Variants in LARGE1 observed in about 807,000 individuals in gnomAD.
The protein encoded by LARGE1 is xylosyl- and glucuronyltransferase LARGE1.
Under a neutral mutation model 87.6 loss-of-function variants are expected in LARGE1, and 43 were observed. That is an observed-to-expected ratio of 0.49 (90% CI 0.38 to 0.63). LARGE1 has a LOEUF of 0.63. Among genes scored for constraint, LARGE1 ranks in the 30% least tolerant of loss-of-function variants. The pLI is 0.00. For synonymous variants in LARGE1, 434 were observed against 394.6 expected, an observed-to-expected ratio of 1.10 and a Z score of -1.18; for missense variants, 802 against 1,000.2, an observed-to-expected ratio of 0.80 and a Z score of 2.67.
At chr22:33,165,258 C>G (rs1025214353) in exon 12 of LARGE1, 3 of 152,106 alleles carry the variant, frequency 2.0e-5, no homozygotes, top group Non-Finnish European at 4.4e-5. Flanking sequence ...AAGGAAAAAC[C>G]TTGATGATAG....
chr22:33,752,272 G>T (rs888133289), intron 2 of LARGE1, among the ~76,000 whole-genome samples: 1 of 151,952 alleles, frequency 6.6e-6, no homozygotes, highest in Admixed American at 6.6e-5. Context: ...AATACTTTGG[G>T]TAAGTTTTCC....
chr22:33,655,246 T>TG (rs2080927572), intron 2 of LARGE1, among the ~76,000 whole-genome samples: 1 of 152,150 alleles, frequency 6.6e-6, no homozygotes, highest in South Asian at 2.1e-4. Flanking sequence ...TCCCCTGGTG[T>TG]GGGTTGGCTA....
intron 2 of LARGE1, among the ~76,000 whole-genome samples, chr22:33,734,304 G>A (rs886497465): frequency 6.6e-6 from 1 of 152,172 alleles, no homozygotes; most frequent in African/African-American, 2.4e-5. Context: ...CACAATTCTA[G>A]CCATATCATA....
At chr22:33,545,979 T>C (rs1472114693) in intron 6 of LARGE1, among the ~76,000 whole-genome samples, 1 of 152,228 alleles carries the variant, frequency 6.6e-6, no homozygotes, top group Non-Finnish European at 1.5e-5. Flanking sequence ...ACATGAATTA[T>C]TGACATGGCT....
At chr22:33,164,942 G>A (rs1344918825) in exon 12 of LARGE1, 1 of 152,148 alleles carries the variant, frequency 6.6e-6, no homozygotes, top group Non-Finnish European at 1.5e-5. Flanking sequence ...ATTTACAAGT[G>A]GGAGCTAAAC....
At chr22:33,750,582 T>G (rs1425749399) in intron 2 of LARGE1, 7 of 75,822 alleles carry the variant, frequency 9.2e-5, no homozygotes, top group Non-Finnish European at 2.4e-5. Context: ...TAATAAAAGG[T>G]TTTTTTTTTT....
intron 1 of LARGE1, among the ~76,000 whole-genome samples, chr22:33,803,639 A>G (rs1235500510): frequency 2.0e-5 from 3 of 152,242 alleles, no homozygotes. Flanking sequence ...AAGGTCTATG[A>G]GGCAAAGTCT....
At chr22:33,591,847 A>G in intron 5 of LARGE1, among the ~76,000 whole-genome samples, 1 of 147,946 alleles carries the variant, frequency 6.8e-6, no homozygotes, top group South Asian at 2.1e-4. Context: ...CTCTCCAAAA[A>G]AAAAAAAAAA....
At chr22:33,609,759 T>C (rs578047671) in intron 4 of LARGE1, among the ~76,000 whole-genome samples, 89 of 152,182 alleles carry the variant, frequency 5.8e-4, no homozygotes, top group African/African-American at 2.0e-3. Context: ...GCCTGATGGT[T>C]AGTGTTTGGG....
Position 33,416,906 on chromosome 22 carries a change from C to CTTTTTTTTTTTTTTTTTTTTTTTTTT in LARGE1, c.892+15254_892+15255insAAAAAAAAAAAAAAAAAAAAAAAAAA, listed in dbSNP as rs35018256. Among the ~76,000 whole-genome samples, 4 of 90,148 alleles carry CTTTTTTTTTTTTTTTTTTTTTTTTTT rather than the reference C, an allele frequency of 4.4e-5. 1 individual carries two copies. The highest frequency in any genetic ancestry group is 1.7e-4 in the African/African-American group (3 of 17,438). 59.1% of individuals were successfully genotyped at this position (90,148 alleles called of 152,430 possible). A position where few individuals can be genotyped will look rare whatever the true frequency, so the allele number is the denominator to read the frequency against. ...ACAGGTGTGAGGCACCACGCCCGGACTTTTTTTTTTTTTTTTTTTGAGACA... is the reference window on the plus strand; with the variant it reads ...ACAGGTGTGAGGCACCACGCCCGGACTTTTTTTTTTTTTTTTTTTTTTTTTTTTTTTTTTTTTTTTTTTTTGAGACA... On this transcript the variant is annotated intron_variant, in intron 7 of 14. Transcript: ENST00000397394.
intron 6 of LARGE1, among the ~76,000 whole-genome samples, chr22:33,536,058 C>T (rs1227067300): frequency 1.3e-5 from 2 of 152,218 alleles, no homozygotes; most frequent in East Asian, 3.8e-4. Flanking sequence ...CCACTTTGTC[C>T]TCTGGGCCAT....
chr22:33,327,920 G>C (rs1937380633), intron 10 of LARGE1, among the ~76,000 whole-genome samples: 1 of 152,134 alleles, frequency 6.6e-6, no homozygotes, highest in Non-Finnish European at 1.5e-5. Context: ...ACTTGTTATA[G>C]TTCATTTGTT....
chr22:33,898,879 C>T (rs2065214413), intron 1 of LARGE1, among the ~76,000 whole-genome samples: 1 of 152,224 alleles, frequency 6.6e-6, no homozygotes, highest in South Asian at 2.1e-4. Flanking sequence ...CTCCTGCCTC[C>T]TCATTCCCTG....
At chr22:33,833,415 T>C (rs1183648818) in intron 1 of LARGE1, among the ~76,000 whole-genome samples, 1 of 152,078 alleles carries the variant, frequency 6.6e-6, no homozygotes, top group African/African-American at 2.4e-5. Flanking sequence ...CCAGTGTCCT[T>C]ATAAGAAGAG....
intron 12 of LARGE1, among the ~76,000 whole-genome samples, chr22:33,290,272 G>T (rs1187229959): frequency 6.6e-6 from 1 of 152,174 alleles, no homozygotes; most frequent in Non-Finnish European, 1.5e-5. Context: ...TTACGGGAAA[G>T]TGTCTCGGAA....
chr22:33,178,709 A>G (rs1161564053), intron 11 of LARGE1, among the ~76,000 whole-genome samples: 1 of 152,194 alleles, frequency 6.6e-6, no homozygotes, highest in Non-Finnish European at 1.5e-5. Flanking sequence ...AGGATAATAG[A>G]GTTGAATAAT....
At chr22:33,615,197 AT>A (rs915129268) in intron 4 of LARGE1, among the ~76,000 whole-genome samples, 53 of 148,364 alleles carry the variant, frequency 3.6e-4, no homozygotes, top group South Asian at 1.7e-3. Context: ...TTATACCTAG[AT>A]TTTTTTTTTT....
downstream of LARGE1, among the ~76,000 whole-genome samples, chr22:33,267,886 G>A (rs941631971): frequency 5.9e-5 from 9 of 151,640 alleles, no homozygotes; most frequent in South Asian, 1.7e-3. Context: ...AATCTTTGGG[G>A]AGGGTGAAGA....
intron 11 of LARGE1, among the ~76,000 whole-genome samples, chr22:33,207,575 C>T (rs944932181): frequency 2.0e-5 from 3 of 152,212 alleles, no homozygotes; most frequent in Admixed American, 1.3e-4. Context: ...AAGCTCGATA[C>T]TGGCTGACTC....
Sources: allele counts gnomAD v4.1 joint callset (sites outside exome capture counted in the v4.1 genomes callset), GRCh38; gene constraint gnomAD v4.1.1; transcripts MANE v1.5; gene names NCBI Gene and HGNC (gene_info 2026-07-23, HGNC 2026-07-21).